The following SLC25A25 variants were observed in gnomAD, a reference collection of about 807,000 sequenced individuals.
SLC25A25 encodes mitochondrial adenyl nucleotide antiporter SLC25A25.
SLC25A25 carries 32 observed loss-of-function variants against 57.7 expected under a neutral mutation model. The ratio of observed to expected loss-of-function variants is 0.55; its 90% CI spans 0.42 to 0.74. SLC25A25 has a LOEUF of 0.74. Among genes scored for constraint, SLC25A25 ranks in the 30% least tolerant of loss-of-function variants. The pLI, the probability that SLC25A25 is intolerant of heterozygous loss-of-function variation, is 0.00. For synonymous variants in SLC25A25, 306 were observed against 291.2 expected (o/e 1.05, Z -0.52); for missense variants, 556 against 701.3 (o/e 0.79, Z 2.34).
In SLC25A25 at chr9:128,105,848, C is replaced by A; in HGVS notation, c.903C>A (p.Pro301=). 2 of 1,614,122 alleles carry A rather than the reference C, an allele frequency of 1.2e-6. No individual in the cohort carries two copies. Among genetic ancestry groups the A allele is most frequent in the Non-Finnish European group, 1.7e-6 (2 of 1,180,038 alleles). ...GNGINVLKIA[P]ESAIKFMAYE... ...GCATCAACGTCCTCAAAATTGCCCCCGAATCAGCCATCAAATTCATGGCCT... is the reference window on the plus strand; with the variant it reads ...GCATCAACGTCCTCAAAATTGCCCCAGAATCAGCCATCAAATTCATGGCCT... The change falls in exon 7 of 11, where the codon CCC becomes CCA. Residue 301 remains proline (P), a synonymous_variant. Transcript: ENST00000373069.
intron 1 of SLC25A25, among the ~76,000 whole-genome samples, chr9:128,093,876 G>T (rs191937058): frequency 3.8e-4 from 58 of 152,352 alleles, no homozygotes; most frequent in African/African-American, 1.2e-3. Flanking sequence ...TAGGCCAGGC[G>T]CAGTGGCTCA....
At chr9:128,090,100 C>G (rs1833365374) in intron 1 of SLC25A25, among the ~76,000 whole-genome samples, 1 of 152,180 alleles carries the variant, frequency 6.6e-6, no homozygotes, top group African/African-American at 2.4e-5. Context: ...CCCACACCCT[C>G]TCTTCAATTT....
At chr9:128,100,952 G>C (rs1833766643) in intron 1 of SLC25A25, 144 bp from the exon 2 acceptor site, 1 of 1,127,120 alleles carries the variant, frequency 8.9e-7, no homozygotes, top group South Asian at 1.6e-5. Flanking sequence ...TGGTGGCTCT[G>C]AGAGTGGAGC....
In SLC25A25 at chr9:128,103,216, C is replaced by T. The variant is rs989953370; in HGVS notation, c.625-465C>T. 6.6e-6 allele frequency among the ~76,000 whole-genome samples: 1 copy of T among 152,170 alleles called. No individual in the cohort carries two copies. The highest frequency in any genetic ancestry group is 1.5e-5 in the Non-Finnish European group (1 of 68,022). The stretch of plus-strand genomic sequence containing the variant: ...GGCTCTGATCAGCCCGGATGTCACC[C>T]GGAGAAAGGTTACGCAGGCAGCGAG... On this transcript the variant is annotated intron_variant, in intron 5 of 10. Transcript: ENST00000373069. This position sits in a 1 kb window ranked among gnomAD's most constrained non-coding sequence, Gnocchi z 6.7.
chr9:128,087,190 AG>A (rs1833296813), intron 1 of SLC25A25, among the ~76,000 whole-genome samples: 1 of 148,920 alleles, frequency 6.7e-6, no homozygotes, highest in African/African-American at 2.5e-5. Context: ...AGCCAGCCTC[AG>A]CCTCCCAAAG....
In SLC25A25 at chr9:128,102,345, G is replaced by A; in HGVS notation, c.513-25G>A. On this transcript the variant is annotated intron_variant, in intron 4 of 10. Coordinates refer to ENST00000373069, the MANE Select transcript of SLC25A25 (RefSeq NM_001330988.2). The surrounding 1 kb of genome is among the most constrained non-coding windows in gnomAD (Gnocchi z 4.1). Reference sequence around the variant, plus strand: ...CTGGCGGATGGGCATGTGGGCACGTGGGCAGCCTCGCCTCTGTCTTGCAGC... The same window carrying A: ...CTGGCGGATGGGCATGTGGGCACGTAGGCAGCCTCGCCTCTGTCTTGCAGC... The A allele has an allele frequency of 6.3e-7, 1 of 1,596,378 alleles. No homozygotes were observed. The highest frequency in any genetic ancestry group is 1.1e-5 in the South Asian group (1 of 90,614).
At chr9:128,079,694 T>G (rs866161277) in intron 1 of SLC25A25, among the ~76,000 whole-genome samples, 1 of 145,292 alleles carries the variant, frequency 6.9e-6, no homozygotes, top group African/African-American at 2.6e-5. Flanking sequence ...GGAGAATTGC[T>G]TAAAAAACCC....
chr9:128,099,174 G>C lies in SLC25A25; in HGVS notation c.262-1922G>C. The C allele has an allele frequency of 8.0e-7, 1 of 1,256,118 alleles. No homozygotes were observed. Among genetic ancestry groups the C allele is most frequent in the East Asian group, 5.8e-5 (1 of 17,114 alleles). The allele number at this position is 1,256,118 out of a possible 1,614,324, so 77.8% of individuals were successfully genotyped here. Reference sequence around the variant, plus strand: ...GACTCTCAGACATCGCTGTGGAACAGGGCCTGTGTCTGCCCTGAAAGTGAG... The same window carrying C: ...GACTCTCAGACATCGCTGTGGAACACGGCCTGTGTCTGCCCTGAAAGTGAG... On this transcript the variant is annotated intron_variant, in intron 1 of 10. Transcript: ENST00000373069. This position sits in a 1 kb window ranked among gnomAD's most constrained non-coding sequence, Gnocchi z 6.8.
intron 1 of SLC25A25, among the ~76,000 whole-genome samples, chr9:128,080,188 G>A (rs112311948): frequency 3.7e-4 from 56 of 149,918 alleles, no homozygotes; most frequent in African/African-American, 1.2e-3. Context: ...CCGAGATCAC[G>A]CCACTGCACT....
chr9:128,072,440 C>T (rs1832926866), intron 1 of SLC25A25, among the ~76,000 whole-genome samples: 1 of 152,236 alleles, frequency 6.6e-6, no homozygotes, highest in Non-Finnish European at 1.5e-5. Flanking sequence ...GCACGGGAAT[C>T]AGCTGTGAGT....
intron 1 of SLC25A25, among the ~76,000 whole-genome samples, chr9:128,085,203 C>T (rs1367590259): frequency 9.2e-5 from 14 of 151,852 alleles, no homozygotes; most frequent in Admixed American, 7.9e-4. Context: ...TGGTGGCGGG[C>T]GCCTGTAGTC....
In SLC25A25 at chr9:128,068,251, T is replaced by A. The variant is rs575317254; in HGVS notation, c.-69T>A. Reference sequence around the variant, plus strand: ...CCAGCTGCAGAGCGCCTGGCTTGCCTCCCGCGCGGTCACCGCCGGCCCGCC... The same window carrying A: ...CCAGCTGCAGAGCGCCTGGCTTGCCACCCGCGCGGTCACCGCCGGCCCGCC... On this transcript the variant is annotated 5_prime_UTR_variant, in exon 1 of 11. Coordinates refer to ENST00000373069, the MANE Select transcript of SLC25A25 (RefSeq NM_001330988.2). 2 of 943,674 alleles carry A rather than the reference T, an allele frequency of 2.1e-6. No homozygotes were observed. The highest frequency in any genetic ancestry group is 8.8e-5 in the South Asian group (2 of 22,664). 58.5% of individuals were successfully genotyped at this position (943,674 alleles called of 1,614,324 possible).
chr9:128,103,702 C>CT lies in SLC25A25; in HGVS notation c.647dup (p.Thr217AsnfsTer5). On this transcript the variant is annotated frameshift_variant, in exon 6 of 11. Transcript: ENST00000373069. LOFTEE classifies it high-confidence loss of function. The surrounding 1 kb of genome is among the most constrained non-coding windows in gnomAD (Gnocchi z 6.7). ...ACAGATCTTTGATGTGGGTGAGAAT[C>CT]TAACGGTCCCGGATGAGTTCACAGT... 1 of 1,614,194 alleles carries CT rather than the reference C, an allele frequency of 6.2e-7. No individual in the cohort carries two copies. Among genetic ancestry groups the CT allele is most frequent in the Admixed American group, 1.7e-5 (1 of 60,030 alleles).
In SLC25A25 at chr9:128,090,062, C is replaced by T. The variant is rs563037095; in HGVS notation, c.262-11034C>T. ...AACACGTCTCTCATCTGCCTTTCTC[C>T]TCTCAAAGCCCCAAGTGTCCTCCCC... On this transcript the variant is annotated intron_variant, in intron 1 of 10. Transcript: ENST00000373069. Among the ~76,000 whole-genome samples the T allele has an allele frequency of 2.4e-3, 359 of 152,248 alleles. 1 individual carries two copies. Among genetic ancestry groups the T allele is most frequent in the African/African-American group, 8.3e-3 (343 of 41,548 alleles).
chr9:128,077,886 C>T (rs1833053766), intron 1 of SLC25A25, among the ~76,000 whole-genome samples: 1 of 151,930 alleles, frequency 6.6e-6, no homozygotes, highest in African/African-American at 2.4e-5. Context: ...ATTAGCCGAG[C>T]ATGGTGGCAC....
In SLC25A25 at chr9:128,101,087, C is replaced by G. The variant is rs1488080480; in HGVS notation, c.262-9C>G. The G allele has an allele frequency of 6.2e-7, 1 of 1,614,082 alleles. No homozygotes were observed. Among genetic ancestry groups the G allele is most frequent in the South Asian group, 1.1e-5 (1 of 91,082 alleles). The stretch of plus-strand genomic sequence containing the variant: ...AGCCAAAAGACAAAATGTTACCTTT[C>G]TTTTCTAGAAAATTGTACAAGCTGG... On this transcript the variant is annotated splice_polypyrimidine_tract_variant and intron_variant, in intron 1 of 10. Coordinates refer to ENST00000373069, the MANE Select transcript of SLC25A25 (RefSeq NM_001330988.2). The surrounding 1 kb of genome is among the most constrained non-coding windows in gnomAD (Gnocchi z 4.9).
chr9:128,107,892 T>C lies in SLC25A25; in HGVS notation c.*448T>C, dbSNP rs929804535. The stretch of plus-strand genomic sequence containing the variant: ...TGCTGAGGTAAGGTGGGAGGAGGGC[T>C]ACAGCCCACATCCCACCCCCTCGTC... On this transcript the variant is annotated 3_prime_UTR_variant, in exon 11 of 11. Coordinates refer to ENST00000373069, the MANE Select transcript of SLC25A25 (RefSeq NM_001330988.2). 7 of 400,852 alleles carry C rather than the reference T, an allele frequency of 1.7e-5. No individual in the cohort carries two copies. The highest frequency in any genetic ancestry group is 3.1e-5 in the Non-Finnish European group (7 of 227,694). 24.8% of individuals were successfully genotyped at this position (400,852 alleles called of 1,614,324 possible).
chr9:128,091,930 C>T lies in SLC25A25; in HGVS notation c.262-9166C>T, dbSNP rs763883340. 6.8e-6 allele frequency: 11 copies of T among 1,613,712 alleles called. No homozygotes were observed. In the Admixed American group the frequency reaches 1.8e-4, roughly 27 times the overall value. On this transcript the variant is annotated intron_variant, in intron 1 of 10. Transcript: ENST00000373069. ...TTTTCCCCAGGGCTGGGTGCCACGGCTCCAGAGAGGGGGACGATCGTGAAG... is the reference window on the plus strand; with the variant it reads ...TTTTCCCCAGGGCTGGGTGCCACGGTTCCAGAGAGGGGGACGATCGTGAAG...
chr9:128,099,541 A>G lies in SLC25A25; in HGVS notation c.262-1555A>G, dbSNP rs1329623805. Among the ~76,000 whole-genome samples, 3 of 152,138 alleles carry G rather than the reference A, an allele frequency of 2.0e-5. No individual in the cohort carries two copies. Among genetic ancestry groups the G allele is most frequent in the African/African-American group, 7.2e-5 (3 of 41,436 alleles). ...TGTCCACTCTATTTCCATTCCTGTTAGAGATTTGGAGCAGTCACCCTATAG... is the reference window on the plus strand; with the variant it reads ...TGTCCACTCTATTTCCATTCCTGTTGGAGATTTGGAGCAGTCACCCTATAG... On this transcript the variant is annotated intron_variant, in intron 1 of 10. Transcript: ENST00000373069. The surrounding 1 kb of genome is among the most constrained non-coding windows in gnomAD (Gnocchi z 6.8).
Sources: gnomAD v4.1 joint callset for allele counts (sites outside exome capture counted in the v4.1 genomes callset) on GRCh38, gnomAD v4.1.1 for gene constraint, Gnocchi (gnomAD v3.1) non-coding constraint, MANE v1.5 for transcripts, NCBI Gene and HGNC (gene_info 2026-07-23, HGNC 2026-07-21) for gene names.